Variants in ARMC2 observed in about 807,000 individuals in gnomAD.
ARMC2 encodes the protein armadillo repeat-containing protein 2.
ARMC2 carries 67 observed loss-of-function variants against 90.3 expected under a neutral mutation model. That is an observed-to-expected ratio of 0.74 (90% CI 0.61 to 0.91). The LOEUF (loss-of-function observed/expected upper bound fraction) is 0.91, where lower values mean the gene tolerates loss of function less well. Among genes scored for constraint, ARMC2 ranks in the 40% least tolerant of loss-of-function variants. The pLI is 0.00. For synonymous variants in ARMC2, 393 were observed against 393.0 expected (o/e 1.00, Z 0.00); for missense variants, 920 against 1,030.9 (o/e 0.89, Z 1.47).
chr6:108,965,378 T>TTTTTTTTTTTTTTA (rs1778288158), intron 17 of ARMC2, among the ~76,000 whole-genome samples: 1 of 151,446 alleles, frequency 6.6e-6, no homozygotes. Context: ...TGGCTTTTTT[T>TTTTTTTTTTTTTTA]TTTTTTTTTT....
intron 7 of ARMC2, among the ~76,000 whole-genome samples, chr6:108,902,808 G>A (rs1358851408): frequency 6.6e-6 from 1 of 152,094 alleles, no homozygotes; most frequent in Non-Finnish European, 1.5e-5. Context: ...AATATTATTT[G>A]ACAGAATACA....
At chr6:108,949,258 T>A (rs1777015315) in intron 12 of ARMC2, among the ~76,000 whole-genome samples, 1 of 152,200 alleles carries the variant, frequency 6.6e-6, no homozygotes, top group Non-Finnish European at 1.5e-5. Flanking sequence ...ATCACTGTTA[T>A]CAAATGTGCG....
intron 3 of ARMC2, among the ~76,000 whole-genome samples, chr6:108,864,997 ATTT>A (rs36025894): frequency 7.5e-6 from 1 of 132,828 alleles, no homozygotes. Flanking sequence ...TCTCAAGTGA[ATTT>A]TTTTTTTTTT....
chr6:108,857,020 C>T (rs986961270), intron 2 of ARMC2, among the ~76,000 whole-genome samples: 1 of 146,472 alleles, frequency 6.8e-6, no homozygotes, highest in African/African-American at 2.5e-5. Flanking sequence ...TTAATTTGTT[C>T]TTCTTGTTCA....
Position 108,973,521 on chromosome 6 carries a change from GCAGATTAA to G in ARMC2, c.*11_*18del, listed in dbSNP as rs1379140813. On this transcript the variant is annotated 3_prime_UTR_variant, in exon 18 of 18. Coordinates refer to ENST00000392644, the MANE Select transcript of ARMC2 (RefSeq NM_032131.6). ...GCCCATTCCCTCTTTCTAACATGAT[GCAGATTAA>G]CAGTAGAAACGAGAACTCACGTCTC... The G allele has an allele frequency of 3.7e-6, 6 of 1,604,662 alleles. No homozygotes were observed. In the Admixed American group the frequency reaches 8.4e-5, roughly 23 times the overall value.
chr6:108,967,271 G>T (rs1462115807), intron 17 of ARMC2, among the ~76,000 whole-genome samples: 2 of 152,168 alleles, frequency 1.3e-5, no homozygotes, highest in African/African-American at 2.4e-5. Context: ...CTGTCCTATG[G>T]CCCAGGGCTT....
chr6:108,894,623 C>A, intron 6 of ARMC2, 80 bp downstream of exon 6: 1 of 1,249,278 alleles, frequency 8.0e-7, no homozygotes. Flanking sequence ...TCTATGTTGG[C>A]CACTGGAAAC....
At chr6:108,908,008 G>T in intron 8 of ARMC2, 1 of 812,628 alleles carries the variant, frequency 1.2e-6, no homozygotes, top group Non-Finnish European at 1.9e-6. Flanking sequence ...TTCCTCCTGG[G>T]AACAGAAGGA....
Position 108,885,227 on chromosome 6 carries a change from G to GGTGTGT in ARMC2, c.671+8896_671+8901dup, listed in dbSNP as rs61665393. ...GTGATTATTAAAAAAGGTGCCAAGG[G>GGTGTGT]GTGTGTGTGTGTGTGTGTGTGTGTA... On this transcript the variant is annotated intron_variant, in intron 5 of 17. Transcript: ENST00000392644. Among the ~76,000 whole-genome samples the GGTGTGT allele has an allele frequency of 7.6e-3, 1,143 of 149,814 alleles. 12 individuals are homozygous for GGTGTGT. The highest frequency in any genetic ancestry group is 0.027 in the African/African-American group (1,099 of 40,790).
At chr6:108,884,344 T>G (rs1777874983) in intron 5 of ARMC2, among the ~76,000 whole-genome samples, 1 of 152,186 alleles carries the variant, frequency 6.6e-6, no homozygotes, top group Admixed American at 6.5e-5. Context: ...AATCTGCATT[T>G]TTATAAGATC....
chr6:108,959,457 G>A (rs1777830148), intron 13 of ARMC2: 1 of 152,296 alleles, frequency 6.6e-6, no homozygotes, highest in Non-Finnish European at 1.5e-5. Flanking sequence ...CAAGTCATGA[G>A]CCAAGTTGTG....
chr6:108,861,456 T>TGA (rs1775234769), intron 3 of ARMC2, among the ~76,000 whole-genome samples: 1 of 152,202 alleles, frequency 6.6e-6, no homozygotes. Context: ...GCTCAGAAAA[T>TGA]TAACATTACT....
At chr6:108,918,202 A>C (rs925799536) in intron 10 of ARMC2, among the ~76,000 whole-genome samples, 2 of 152,140 alleles carry the variant, frequency 1.3e-5, no homozygotes, top group Non-Finnish European at 2.9e-5. Flanking sequence ...AAATGGCCTC[A>C]TTTGTGGAAT....
chr6:109,002,405 A>C, the ARMC2 span: 1 of 1,336,092 alleles, frequency 7.5e-7, no homozygotes, highest in Non-Finnish European at 1.1e-6. Context: ...CTGAGGCTAA[A>C]GGAATGGGAG....
At chr6:108,895,364 A>T (rs2128458080) in intron 6 of ARMC2, among the ~76,000 whole-genome samples, 2 of 151,568 alleles carry the variant, frequency 1.3e-5, no homozygotes, top group Admixed American at 1.3e-4. Context: ...GGCACCTGTA[A>T]TCCCAACTAC....
At chr6:109,031,527 T>C in the ARMC2 span, among the ~76,000 whole-genome samples, 1 of 152,144 alleles carries the variant, frequency 6.6e-6, no homozygotes, top group African/African-American at 2.4e-5. Context: ...CCCCTCATCT[T>C]CAGCCTAAAG....
the ARMC2 span, chr6:109,009,399 A>G: frequency 1.4e-6 from 2 of 1,461,438 alleles, no homozygotes; most frequent in East Asian, 3.0e-5. Context: ...CTTGCAGCCC[A>G]GCAGCCCCGA....
the ARMC2 span, among the ~76,000 whole-genome samples, chr6:109,020,812 G>T: frequency 6.6e-6 from 1 of 152,092 alleles, no homozygotes; most frequent in Non-Finnish European, 1.5e-5. Flanking sequence ...GCTTCAGTTT[G>T]CCAAATTTAT....
intron 13 of ARMC2, among the ~76,000 whole-genome samples, chr6:108,954,318 A>G (rs745693088): frequency 6.6e-6 from 1 of 152,250 alleles, no homozygotes; most frequent in East Asian, 1.9e-4. Context: ...ACTGCAACCC[A>G]AGATTGATTA....
Sources: gnomAD v4.1 joint callset for allele counts (sites outside exome capture counted in the v4.1 genomes callset) on GRCh38, gnomAD v4.1.1 for gene constraint, MANE v1.5 for transcripts, NCBI Gene and HGNC (gene_info 2026-07-23, HGNC 2026-07-21) for gene names.